Variants in KRABD5 observed in about 807,000 individuals in gnomAD.
KRABD5 encodes KRAB domain-containing protein 5.
At chr16:31,737,898 C>T in the KRABD5 span, among the ~76,000 whole-genome samples, 1 of 152,120 alleles carries the variant, frequency 6.6e-6, no homozygotes, top group Non-Finnish European at 1.5e-5. Context: ...TACATTGAAT[C>T]TGTAGATCAC....
chr16:31,740,249 T>A, the KRABD5 span, among the ~76,000 whole-genome samples: 1 of 152,156 alleles, frequency 6.6e-6, no homozygotes, highest in South Asian at 2.1e-4. Flanking sequence ...ACCCCATTAG[T>A]CCCTTAGACA....
chr16:31,713,254 G>C, the KRABD5 span: 3 of 740,450 alleles, frequency 4.1e-6, no homozygotes, highest in Non-Finnish European at 6.6e-6. Flanking sequence ...GGGATTTGGC[G>C]GTGGCCTTTG....
At chr16:31,728,455 T>G in the KRABD5 span, among the ~76,000 whole-genome samples, 1 of 152,114 alleles carries the variant, frequency 6.6e-6, no homozygotes, top group Admixed American at 6.5e-5. Context: ...TAGAACTGTT[T>G]TGGTTGCATC....
the KRABD5 span, among the ~76,000 whole-genome samples, chr16:31,751,095 T>A: frequency 7.2e-5 from 11 of 152,224 alleles, no homozygotes; most frequent in African/African-American, 2.4e-4. Context: ...ATCACATTTT[T>A]AAATTTCTAT....
the KRABD5 span, among the ~76,000 whole-genome samples, chr16:31,731,972 G>A: frequency 6.6e-6 from 1 of 152,172 alleles, no homozygotes. Flanking sequence ...TATTCAGGGA[G>A]CACAGACAAG....
chr16:31,755,148 G>T, the KRABD5 span: 1 of 488,394 alleles, frequency 2.0e-6, no homozygotes. Context: ...AAGGAATGCA[G>T]CAAAGCCTTT....
At chr16:31,748,547 T>C in the KRABD5 span, among the ~76,000 whole-genome samples, 2 of 152,254 alleles carry the variant, frequency 1.3e-5, no homozygotes, top group African/African-American at 4.8e-5. Context: ...CATGTTCCTT[T>C]AGCTCAGTGT....
the KRABD5 span, chr16:31,755,263 T>C: frequency 2.0e-6 from 1 of 494,846 alleles, no homozygotes; most frequent in Non-Finnish European, 4.1e-6. Flanking sequence ...CAAGTCTTAT[T>C]GTCCACCAGA....
the KRABD5 span, among the ~76,000 whole-genome samples, chr16:31,741,652 G>A: frequency 3.9e-5 from 6 of 151,980 alleles, no homozygotes; most frequent in Non-Finnish European, 8.8e-5. Context: ...TTTTAATGGG[G>A]TTATTTTTTT....
At chr16:31,743,344 A>G in the KRABD5 span, among the ~76,000 whole-genome samples, 1 of 152,190 alleles carries the variant, frequency 6.6e-6, no homozygotes, top group Non-Finnish European at 1.5e-5. Context: ...GCATATGGCT[A>G]GTCAGTTTTC....
At chr16:31,747,169 T>G in the KRABD5 span, among the ~76,000 whole-genome samples, 1 of 122,440 alleles carries the variant, frequency 8.2e-6, no homozygotes. Context: ...GGCCCCAGTG[T>G]GTGATGTTCC....
At chr16:31,739,450 T>G in the KRABD5 span, among the ~76,000 whole-genome samples, 1 of 152,168 alleles carries the variant, frequency 6.6e-6, no homozygotes, top group South Asian at 2.1e-4. Context: ...ATATGCCAAG[T>G]CACATTTTTT....
chr16:31,731,900 C>G, the KRABD5 span, among the ~76,000 whole-genome samples: 1 of 152,284 alleles, frequency 6.6e-6, no homozygotes, highest in East Asian at 1.9e-4. Flanking sequence ...TCCTGAGGGT[C>G]TCTGTGTGGA....
chr16:31,753,882 A>G, the KRABD5 span: 2 of 1,551,232 alleles, frequency 1.3e-6, no homozygotes, highest in African/African-American at 2.7e-5. Flanking sequence ...AAACTTAAGG[A>G]AAGAGTGGGA....
At chr16:31,753,738 A>G in the KRABD5 span, 1,440 of 1,445,878 alleles carry the variant, frequency 1.0e-3, 15 homozygotes, top group South Asian at 4.7e-3. Context: ...TAGTAATTGG[A>G]ATTTTGAAAA....
At chr16:31,717,741 A>G in the KRABD5 span, among the ~76,000 whole-genome samples, 2 of 152,162 alleles carry the variant, frequency 1.3e-5, no homozygotes, top group African/African-American at 2.4e-5. Context: ...GTTTTTAATT[A>G]TATTTCCCAA....
At chr16:31,719,037 G>C in the KRABD5 span, among the ~76,000 whole-genome samples, 5 of 152,216 alleles carry the variant, frequency 3.3e-5, no homozygotes, top group African/African-American at 1.2e-4. Flanking sequence ...AGGAGTTCTG[G>C]AGACTCATAC....
the KRABD5 span, chr16:31,755,640 G>GTT: frequency 2.1e-6 from 1 of 484,158 alleles, no homozygotes; most frequent in Non-Finnish European, 4.2e-6. Flanking sequence ...CCCTACAAAT[G>GTT]TAAAGAATGT....
At chr16:31,723,049 T>A in the KRABD5 span, among the ~76,000 whole-genome samples, 1 of 152,244 alleles carries the variant, frequency 6.6e-6, no homozygotes, top group African/African-American at 2.4e-5. Context: ...CTTCTCCTTA[T>A]TTTTGATTTA....
Sources: gnomAD v4.1 joint callset for allele counts (sites outside exome capture counted in the v4.1 genomes callset) on GRCh38, gnomAD v4.1.1 for gene constraint, MANE v1.5 for transcripts, NCBI Gene and HGNC (gene_info 2026-07-23, HGNC 2026-07-21) for gene names.